CPA6: variants seen among roughly 807,000 people sequenced by gnomAD.
CPA6 encodes the protein carboxypeptidase A6, also known as carboxypeptidase B.
Under a neutral mutation model 63.3 loss-of-function variants are expected in CPA6, and 58 were observed. The observed-to-expected ratio is 0.92, with a 90% CI of 0.74 to 1.14. The LOEUF (loss-of-function observed/expected upper bound fraction) is 1.14, where lower values mean the gene tolerates loss of function less well. CPA6 is among the 50% of genes most tolerant of loss of function. The pLI, the probability that CPA6 is intolerant of heterozygous loss-of-function variation, is 0.00. For missense variants in CPA6, 565 were observed against 526.6 expected (o/e 1.07, Z -0.71); for synonymous variants, 185 against 179.0 (o/e 1.03, Z -0.27).
intron 8 of CPA6, among the ~76,000 whole-genome samples, chr8:67,475,841 TTCTTTCTTTCTTTCTTTCTTTC>T (rs1811189984): frequency 5.4e-5 from 5 of 93,008 alleles, no homozygotes; most frequent in Admixed American, 3.6e-4. Flanking sequence ...CTTTCTTTCT[TTCTTTCTTTCTTTCTTTCTTTC>T]TTTCTTTCTT....
At chr8:67,713,832 C>A (rs1563404604) in intron 1 of CPA6, among the ~76,000 whole-genome samples, 1 of 152,268 alleles carries the variant, frequency 6.6e-6, no homozygotes, top group East Asian at 1.9e-4. Flanking sequence ...TAGTTTTATA[C>A]CTTAAATTAA....
chr8:67,601,617 T>G (rs1814498610), intron 2 of CPA6, among the ~76,000 whole-genome samples: 1 of 152,196 alleles, frequency 6.6e-6, no homozygotes, highest in Admixed American at 6.5e-5. Flanking sequence ...ATTTTAAACT[T>G]GAGGATCTGT....
rs1563962809 is a variant in CPA6, at chr8:67,464,020, T to C, written c.838+19748A>G. Among the ~76,000 whole-genome samples, 4 of 152,230 alleles carry C rather than the reference T, an allele frequency of 2.6e-5. No individual in the cohort carries two copies. In the South Asian group the frequency reaches 8.3e-4, roughly 32 times the overall value. ...TTTGGGTAAAACCATTTGTTTTCTT[T>C]TGGCTCTATATCCAATAATGGGATT... is the stretch of plus-strand genomic sequence containing the variant. On this transcript the variant is annotated intron_variant, in intron 8 of 10. Coordinates refer to ENST00000297770, the MANE Select transcript of CPA6 (RefSeq NM_020361.5).
chr8:67,487,600 C>G (rs1424726948), intron 6 of CPA6, among the ~76,000 whole-genome samples: 1 of 152,186 alleles, frequency 6.6e-6, no homozygotes, highest in African/African-American at 2.4e-5. Flanking sequence ...AATGGTATTT[C>G]TAGTTCTAGA....
Position 67,434,250 on chromosome 8 carries a change from A to G in CPA6, c.839-10T>C. 1 of 1,611,268 alleles carries G rather than the reference A, an allele frequency of 6.2e-7. No individual in the cohort carries two copies. The highest frequency in any genetic ancestry group is 1.3e-5 in the African/African-American group (1 of 75,002). On this transcript the variant is annotated splice_polypyrimidine_tract_variant and intron_variant, in intron 8 of 10. Coordinates refer to ENST00000297770, the MANE Select transcript of CPA6 (RefSeq NM_020361.5). ...ATAGAAGCTCCTTCATCTGCAAGTC[A>G]GAAAAGAAAATGGGGTAAGGAAGTG... is the stretch of plus-strand genomic sequence containing the variant.
intron 1 of CPA6, among the ~76,000 whole-genome samples, chr8:67,634,878 C>T (rs1815432073): frequency 6.6e-6 from 1 of 151,348 alleles, no homozygotes; most frequent in Admixed American, 6.6e-5. Flanking sequence ...ATTACTTTTA[C>T]AGGAAAATAT....
At chr8:67,629,096 A>G (rs1425039490) in intron 1 of CPA6, among the ~76,000 whole-genome samples, 1 of 152,116 alleles carries the variant, frequency 6.6e-6, no homozygotes, top group Non-Finnish European at 1.5e-5. Context: ...GCCTGATGAC[A>G]GAGTGAGACT....
At chr8:67,428,493 T>C (rs1242544970) in intron 9 of CPA6, among the ~76,000 whole-genome samples, 1 of 148,454 alleles carries the variant, frequency 6.7e-6, no homozygotes, top group African/African-American at 2.5e-5. Context: ...AATTTCTTTC[T>C]TTTTTTTTTG....
intron 8 of CPA6, among the ~76,000 whole-genome samples, chr8:67,477,909 C>T (rs890909502): frequency 6.6e-6 from 1 of 152,198 alleles, no homozygotes; most frequent in African/African-American, 2.4e-5. Context: ...TGTATTTGGT[C>T]TTCATCCTGT....
chr8:67,738,024 A>G (rs1437198562), intron 1 of CPA6, among the ~76,000 whole-genome samples: 1 of 151,588 alleles, frequency 6.6e-6, no homozygotes, highest in Non-Finnish European at 1.5e-5. Context: ...CATTTATAGA[A>G]GAAAAAATGC....
At chr8:67,583,603 G>C (rs1025443370) in intron 2 of CPA6, among the ~76,000 whole-genome samples, 1 of 152,154 alleles carries the variant, frequency 6.6e-6, no homozygotes, top group Admixed American at 6.5e-5. Context: ...TTGCTAGTGA[G>C]AAACCTAAGA....
At chr8:67,650,069 T>C (rs1815802165) in intron 1 of CPA6, among the ~76,000 whole-genome samples, 1 of 152,146 alleles carries the variant, frequency 6.6e-6, no homozygotes, top group East Asian at 1.9e-4. Flanking sequence ...TTTCCTGTAT[T>C]AAATTTATAT....
At chr8:67,618,188 G>A (rs79747574) in intron 2 of CPA6, among the ~76,000 whole-genome samples, 7,240 of 152,206 alleles carry the variant, frequency 0.048, 379 homozygotes, top group African/African-American at 0.13. Flanking sequence ...TGCCTACCAT[G>A]GCCACGATTA....
chr8:67,627,288 C>A, intron 1 of CPA6, among the ~76,000 whole-genome samples: 1 of 152,192 alleles, frequency 6.6e-6, no homozygotes, highest in Non-Finnish European at 1.5e-5. Flanking sequence ...CTCCCTAAAT[C>A]TGATAGCTAG....
Position 67,624,130 on chromosome 8 carries a change from A to C in CPA6, c.192+46T>G, listed in dbSNP as rs746432439. 4 of 1,175,566 alleles carry C rather than the reference A, an allele frequency of 3.4e-6. No homozygotes were observed. In the Admixed American group the frequency reaches 5.5e-5, roughly 16 times the overall value. 72.8% of individuals were successfully genotyped at this position (1,175,566 alleles called of 1,614,324 possible). The stretch of plus-strand genomic sequence containing the variant: ...CTCCAGTCAGCAAATCCCTGTAAAC[A>C]CTCCACAAGCACAATTCTACCATAA... On this transcript the variant is annotated intron_variant, in intron 2 of 10. Coordinates refer to ENST00000297770, the MANE Select transcript of CPA6 (RefSeq NM_020361.5).
In CPA6 at chr8:67,723,436, G is replaced by C. The variant is rs56883770; in HGVS notation, c.116+22578C>G. Among the ~76,000 whole-genome samples, 275 of 152,264 alleles carry C rather than the reference G, an allele frequency of 1.8e-3. 2 individuals carry two copies. Among genetic ancestry groups the C allele is most frequent in the African/African-American group, 6.3e-3 (262 of 41,538 alleles). On this transcript the variant is annotated intron_variant, in intron 1 of 10. Transcript: ENST00000297770. ...CCCTCTTTGGCCTCCCAAAGTGTTA[G>C]GATTACAGGCGTGAGCCACCGTGCG...
rs76946126 is a variant in CPA6 at position 67,676,218 on chromosome 8, A to G, written c.117-51967T>C. ...AAGATTTATTATTTTATCTGCACAG[A>G]TAAGGATCTTTGGGACAATTTATAA... On this transcript the variant is annotated intron_variant, in intron 1 of 10. Coordinates refer to ENST00000297770, the MANE Select transcript of CPA6 (RefSeq NM_020361.5). Among the ~76,000 whole-genome samples, 1,038 of 152,320 alleles carry G rather than the reference A, an allele frequency of 6.8e-3. 7 individuals are homozygous for G. Among genetic ancestry groups the G allele is most frequent in the African/African-American group, 0.024 (980 of 41,554 alleles).
intron 2 of CPA6, among the ~76,000 whole-genome samples, chr8:67,525,122 T>C (rs73692105): frequency 5.4e-4 from 82 of 152,324 alleles, no homozygotes; most frequent in African/African-American, 1.9e-3. Context: ...TGGCCAAAGA[T>C]TATGGTCTTC....
rs959196794 is a variant in CPA6 at position 67,593,634 on chromosome 8, A to C, written c.192+30542T>G. Among the ~76,000 whole-genome samples, 157 of 152,310 alleles carry C rather than the reference A, an allele frequency of 1.0e-3. 1 individual carries two copies. The highest frequency in any genetic ancestry group is 3.7e-3 in the African/African-American group (153 of 41,558). On this transcript the variant is annotated intron_variant, in intron 2 of 10. Coordinates refer to ENST00000297770, the MANE Select transcript of CPA6 (RefSeq NM_020361.5). ...TTGTGGAATTGATCCCTTTACCATT[A>C]TGTAATGGCCTTCTTTGTCTCTTTT...
Sources: allele counts gnomAD v4.1 joint callset (sites outside exome capture counted in the v4.1 genomes callset), GRCh38; gene constraint gnomAD v4.1.1; transcripts MANE v1.5; gene names NCBI Gene and HGNC (gene_info 2026-07-23, HGNC 2026-07-21).